Variants in ETV6 observed in about 807,000 individuals in gnomAD.
The protein encoded by ETV6 is transcription factor ETV6.
Under a neutral mutation model 51.1 loss-of-function variants are expected in ETV6, and 16 were observed. The observed-to-expected ratio is 0.31, with a 90% CI of 0.21 to 0.48. The LOEUF (loss-of-function observed/expected upper bound fraction) is 0.48. ETV6 is among the 20% of genes least tolerant of loss of function. The pLI, the probability that ETV6 is intolerant of heterozygous loss-of-function variation, is 0.99. For missense variants in ETV6, 458 were observed against 594.8 expected (o/e 0.77, Z 2.39); for synonymous variants, 240 against 224.1 (o/e 1.07, Z -0.64).
intron 2 of ETV6, chr12:11,752,964 A>G (rs1003799532): frequency 6.3e-6 from 1 of 159,056 alleles, no homozygotes; most frequent in South Asian, 2.0e-4. Context: ...AATTTTGCTC[A>G]GTTTGTGAGT....
chr12:11,859,857 T>C (rs1057509709), intron 4 of ETV6, among the ~76,000 whole-genome samples: 3 of 152,162 alleles, frequency 2.0e-5, no homozygotes, highest in African/African-American at 7.2e-5. Context: ...GTGTGGCAGG[T>C]CCTGCTTACA....
intron 1 of ETV6, among the ~76,000 whole-genome samples, chr12:11,742,249 T>C (rs1405685403): frequency 6.6e-6 from 1 of 152,228 alleles, no homozygotes. Context: ...TTTAGAATGG[T>C]ATTAATGCTG....
intron 1 of ETV6, among the ~76,000 whole-genome samples, chr12:11,709,344 CCTCCT>C (rs556332418): frequency 7.0e-4 from 107 of 152,034 alleles, no homozygotes; most frequent in South Asian, 1.2e-3. Flanking sequence ...TTTCTTCTCT[CCTCCT>C]CTCCTCTCCT....
chr12:11,762,594 G>C (rs1247579666), intron 2 of ETV6, among the ~76,000 whole-genome samples: 1 of 152,178 alleles, frequency 6.6e-6, no homozygotes, highest in Admixed American at 6.5e-5. Flanking sequence ...GGGAATGAAG[G>C]CTTTCAGCTT....
At chr12:11,722,609 G>T (rs890732663) in intron 1 of ETV6, among the ~76,000 whole-genome samples, 1 of 152,098 alleles carries the variant, frequency 6.6e-6, no homozygotes, top group Non-Finnish European at 1.5e-5. Flanking sequence ...GGCTTTCTAC[G>T]TCAAAGAGTA....
At chr12:11,784,669 G>A (rs996943586) in intron 2 of ETV6, among the ~76,000 whole-genome samples, 8 of 150,974 alleles carry the variant, frequency 5.3e-5, no homozygotes, top group Non-Finnish European at 1.0e-4. Flanking sequence ...GGGGCAAGAG[G>A]ACTTGGGAGG....
Position 11,714,775 on chromosome 12 carries a change from A to G in ETV6, c.34-37675A>G, listed in dbSNP as rs546809297. Among the ~76,000 whole-genome samples the G allele has an allele frequency of 2.0e-3, 310 of 151,720 alleles. 3 individuals are homozygous for G. The highest frequency in any genetic ancestry group is 7.1e-3 in the African/African-American group (294 of 41,382). ...GAGGGGAGGGAGTAGACTCCTGGTGAGGAGGGCAGGGGCATGTGAGTTGCG... is the reference window on the plus strand; with the variant it reads ...GAGGGGAGGGAGTAGACTCCTGGTGGGGAGGGCAGGGGCATGTGAGTTGCG... On this transcript the variant is annotated intron_variant, in intron 1 of 7. Transcript: ENST00000396373.
chr12:11,883,616 T>C (rs1343373853), intron 5 of ETV6, among the ~76,000 whole-genome samples: 4 of 152,094 alleles, frequency 2.6e-5, no homozygotes, highest in African/African-American at 9.7e-5. Flanking sequence ...TTTAATTTAC[T>C]AGCCCACAGC....
At chr12:11,701,425 G>A (rs1294367184) in intron 1 of ETV6, among the ~76,000 whole-genome samples, 4 of 152,124 alleles carry the variant, frequency 2.6e-5, no homozygotes, top group African/African-American at 7.2e-5. Flanking sequence ...ATGTTAAAAG[G>A]TTTATCCATG....
intron 2 of ETV6, among the ~76,000 whole-genome samples, chr12:11,794,452 C>G (rs540827208): frequency 3.9e-4 from 60 of 152,282 alleles, no homozygotes; most frequent in Middle Eastern, 3.4e-3. Context: ...CTGCTGCCTC[C>G]GTACTCAGAG....
At position 11,811,761 on chromosome 12, in the gene ETV6, G is replaced by C. The variant is rs80049028; in HGVS notation, c.164-27379G>C. Among the ~76,000 whole-genome samples, 805 of 152,206 alleles carry C rather than the reference G, an allele frequency of 5.3e-3. 10 individuals carry two copies. The highest frequency in any genetic ancestry group is 0.019 in the African/African-American group (770 of 41,512). On this transcript the variant is annotated intron_variant, in intron 2 of 7. Coordinates refer to ENST00000396373, the MANE Select transcript of ETV6 (RefSeq NM_001987.5). The stretch of plus-strand genomic sequence containing the variant: ...ATTTTCACAACAATCCCTGTGAGTT[G>C]GGATCCAGTTTCTACAGATGAGGAA...
At position 11,894,692 on chromosome 12, in the gene ETV6, C is replaced by A. The variant is rs976854713; in HGVS notation, c.*3646C>A. On this transcript the variant is annotated 3_prime_UTR_variant, in exon 8 of 8. Transcript: ENST00000396373. ...CCATTCCCACCTTTCACTGCCTAGG[C>A]TCCAAGTCTGAATACATTTTTGAAA... The A allele has an allele frequency of 1.3e-5, 3 of 233,110 alleles. No homozygotes were observed. Among genetic ancestry groups the A allele is most frequent in the African/African-American group, 6.6e-5 (3 of 45,338 alleles). 14.4% of individuals were successfully genotyped at this position (233,110 alleles called of 1,614,324 possible).
At chr12:11,777,530 G>A (rs974482853) in intron 2 of ETV6, among the ~76,000 whole-genome samples, 2 of 151,776 alleles carry the variant, frequency 1.3e-5, no homozygotes, top group Admixed American at 1.3e-4. Flanking sequence ...GTACCCAGCA[G>A]CTTGCACCTA....
chr12:11,894,930 G>A lies in ETV6; in HGVS notation c.*3884G>A, dbSNP rs911434151. 1 of 233,530 alleles carries A rather than the reference G, an allele frequency of 4.3e-6. No individual in the cohort carries two copies. The highest frequency in any genetic ancestry group is 2.2e-5 in the African/African-American group (1 of 45,328). 14.5% of individuals were successfully genotyped at this position (233,530 alleles called of 1,614,324 possible). A position where few individuals can be genotyped will look rare whatever the true frequency, so the allele number is the denominator to read the frequency against. ...AGTTTTCTTTGCCCAAGCATTTGGT[G>A]CTAGTTAGAGGCTGTTCACTCTCTC... On this transcript the variant is annotated 3_prime_UTR_variant, in exon 8 of 8. Coordinates refer to ENST00000396373, the MANE Select transcript of ETV6 (RefSeq NM_001987.5).
chr12:11,843,418 G>C (rs1247220616), intron 3 of ETV6, among the ~76,000 whole-genome samples: 1 of 152,130 alleles, frequency 6.6e-6, no homozygotes, highest in Non-Finnish European at 1.5e-5. Context: ...TCTACACCTG[G>C]CCCTTCACAA....
intron 2 of ETV6, among the ~76,000 whole-genome samples, chr12:11,803,173 T>C (rs10491993): frequency 0.11 from 16,378 of 152,250 alleles, 973 homozygotes; most frequent in African/African-American, 0.15. Context: ...TTGCTTTGTT[T>C]ATAGTAAATA....
At chr12:11,754,096 C>CG (rs1343479412) in intron 2 of ETV6, among the ~76,000 whole-genome samples, 1 of 152,098 alleles carries the variant, frequency 6.6e-6, no homozygotes, top group Admixed American at 6.5e-5. Flanking sequence ...ATCCTGTGAC[C>CG]GATATATTCA....
At chr12:11,670,649 TCA>T (rs1864295816) in intron 1 of ETV6, among the ~76,000 whole-genome samples, 1 of 152,174 alleles carries the variant, frequency 6.6e-6, no homozygotes, top group Non-Finnish European at 1.5e-5. Flanking sequence ...GCAGAGAAGC[TCA>T]CACTCTTCTG....
At chr12:11,857,087 G>A (rs1290535679) in intron 4 of ETV6, among the ~76,000 whole-genome samples, 3 of 152,224 alleles carry the variant, frequency 2.0e-5, no homozygotes, top group African/African-American at 7.2e-5. Context: ...GCAAACAGAA[G>A]GCATCATTCA....
Sources: allele counts gnomAD v4.1 joint callset (sites outside exome capture counted in the v4.1 genomes callset), GRCh38; gene constraint gnomAD v4.1.1; transcripts MANE v1.5; gene names NCBI Gene and HGNC (gene_info 2026-07-23, HGNC 2026-07-21).